The following PATJ variants were observed in gnomAD, a reference collection of about 807,000 sequenced individuals.
The protein encoded by PATJ is PATJ crumbs cell polarity complex component, also known as inaD-like protein.
Under a neutral mutation model 224.9 loss-of-function variants are expected in PATJ, and 190 were observed. The ratio of observed to expected loss-of-function variants is 0.84; its 90% CI spans 0.75 to 0.95. PATJ has a LOEUF of 0.95. PATJ is among the 40% of genes least tolerant of loss of function. The pLI is 0.00. For synonymous variants in PATJ, 769 were observed against 820.3 expected, an observed-to-expected ratio of 0.94 and a Z score of 1.07; for missense variants, 2,121 against 2,270.3, an observed-to-expected ratio of 0.93 and a Z score of 1.34.
At chr1:62,084,675 C>G (rs200524832) in intron 33 of PATJ, 27 bp downstream of exon 33, 57 of 1,610,462 alleles carry the variant, frequency 3.5e-5, no homozygotes, top group Non-Finnish European at 1.7e-6. Flanking sequence ...AAAATGTATC[C>G]ACTGTCATAG....
intron 31 of PATJ, among the ~76,000 whole-genome samples, chr1:62,062,820 G>A (rs1217676581): frequency 6.6e-6 from 1 of 152,058 alleles, no homozygotes; most frequent in Admixed American, 6.5e-5. Context: ...AGAAGAGTGT[G>A]TTCTTGTCCT....
intron 28 of PATJ, among the ~76,000 whole-genome samples, chr1:61,996,944 G>T (rs371770915): frequency 6.6e-6 from 1 of 151,922 alleles, no homozygotes; most frequent in African/African-American, 2.4e-5. Context: ...GTGTCACCAT[G>T]TTGGCCAGGC....
intron 27 of PATJ, among the ~76,000 whole-genome samples, chr1:61,932,621 G>A (rs778913609): frequency 1.3e-5 from 2 of 152,158 alleles, no homozygotes; most frequent in Non-Finnish European, 2.9e-5. Flanking sequence ...TGTAGTGTGC[G>A]GGACGCAGGG....
chr1:61,744,172 G>T (rs571729942), intron 1 of PATJ, among the ~76,000 whole-genome samples: 1 of 150,930 alleles, frequency 6.6e-6, no homozygotes, highest in African/African-American at 2.4e-5. Context: ...ATAGTCAGGT[G>T]TGTCGGGAGG....
At chr1:62,102,190 TAA>T (rs1371307012) in intron 33 of PATJ, among the ~76,000 whole-genome samples, 63 of 85,008 alleles carry the variant, frequency 7.4e-4, no homozygotes, top group African/African-American at 3.7e-3. Context: ...AATAAATAAA[TAA>T]ATAAATAAAT....
chr1:62,125,317 C>G (rs976440482), intron 39 of PATJ, among the ~76,000 whole-genome samples: 5 of 145,242 alleles, frequency 3.4e-5, no homozygotes, highest in Admixed American at 1.4e-4. Flanking sequence ...CCTCAATTTT[C>G]TCATCTGTAG....
At chr1:62,085,128 G>A (rs1659794798) in intron 33 of PATJ, among the ~76,000 whole-genome samples, 1 of 152,178 alleles carries the variant, frequency 6.6e-6, no homozygotes, top group South Asian at 2.1e-4. Context: ...TGGGCATGGT[G>A]GTGCACACCT....
rs1648952067 is a variant in PATJ, at chr1:61,788,049, C to G, written c.1068+77C>G. The G allele has an allele frequency of 5.2e-6, 6 of 1,160,970 alleles. No homozygotes were observed. In the East Asian group the frequency reaches 1.2e-4, roughly 23 times the overall value. The allele number at this position is 1,160,970 out of a possible 1,614,324, so 71.9% of individuals were successfully genotyped here. The stretch of plus-strand genomic sequence containing the variant: ...ACTGTAAGATAAGAAATTCTTTCAA[C>G]TTGAAGCACCACATTGGTGTGAGTT... On this transcript the variant is annotated intron_variant, in intron 8 of 43. Transcript: ENST00000642238.
At chr1:61,973,954 G>A (rs1457025212) in intron 27 of PATJ, among the ~76,000 whole-genome samples, 2 of 151,684 alleles carry the variant, frequency 1.3e-5, no homozygotes, top group Admixed American at 1.3e-4. Flanking sequence ...ACTTATCTTA[G>A]TGTTCTTAGT....
At chr1:61,912,033 T>TCC (rs1672739083) in intron 25 of PATJ, among the ~76,000 whole-genome samples, 1 of 150,714 alleles carries the variant, frequency 6.6e-6, no homozygotes, top group South Asian at 2.1e-4. Context: ...TATTAAAAAA[T>TCC]TGGATATCTT....
intron 31 of PATJ, among the ~76,000 whole-genome samples, chr1:62,060,421 T>A (rs978584810): frequency 1.3e-5 from 2 of 152,062 alleles, no homozygotes; most frequent in African/African-American, 4.8e-5. Flanking sequence ...GGCCAGAGTG[T>A]GGTGATGCAA....
At chr1:61,999,577 A>G (rs531171801) in intron 28 of PATJ, among the ~76,000 whole-genome samples, 2 of 152,184 alleles carry the variant, frequency 1.3e-5, no homozygotes, top group Non-Finnish European at 2.9e-5. Flanking sequence ...CTGAGGCACA[A>G]GAATCGTTTG....
intron 31 of PATJ, 88 bp from the exon 32 acceptor site, chr1:62,079,362 T>C (rs543327578): frequency 1.3e-6 from 1 of 790,540 alleles, no homozygotes; most frequent in African/African-American, 1.7e-5. Context: ...ACTGCACCAT[T>C]GTTTTGGTAA....
rs771491747 is a variant in PATJ at position 61,901,304 on chromosome 1, A to T, written c.3226A>T (p.Asn1076Tyr). The T allele has an allele frequency of 6.5e-7, 1 of 1,537,400 alleles. No individual in the cohort carries two copies. The highest frequency in any genetic ancestry group is 8.7e-7 in the Non-Finnish European group (1 of 1,153,260). Residue 1076 changes from asparagine to tyrosine, a missense_variant, in exon 24 of 44, where the codon AAT becomes TAT. By Grantham distance (143) the Asn-to-Tyr change is moderately radical (BLOSUM62 -2). Coordinates refer to ENST00000642238, the MANE Select transcript of PATJ (RefSeq NM_001350145.3). ...PRIVEIFREP[N>Y]VSLGISIVGG... The stretch of plus-strand genomic sequence containing the variant: ...TAGTGTTGAGATTTTTAGAGAACCC[A>T]ATGTGTCTCTTGGGATCAGTATTGT...
At chr1:61,957,777 G>A (rs1006072770) in intron 27 of PATJ, among the ~76,000 whole-genome samples, 3 of 152,120 alleles carry the variant, frequency 2.0e-5, no homozygotes, top group Non-Finnish European at 2.9e-5. Context: ...ACGTACTGTC[G>A]AGCTCTCTCA....
intron 31 of PATJ, among the ~76,000 whole-genome samples, chr1:62,062,959 G>T (rs1655812158): frequency 6.6e-6 from 1 of 152,112 alleles, no homozygotes; most frequent in African/African-American, 2.4e-5. Flanking sequence ...TCTGTAGGTT[G>T]TCTGTTTACT....
chr1:61,745,786 T>C (rs933761839), intron 1 of PATJ, among the ~76,000 whole-genome samples: 2 of 150,142 alleles, frequency 1.3e-5, no homozygotes, highest in Admixed American at 1.3e-4. Flanking sequence ...ATATTTTTAG[T>C]AGAGATGGGG....
intron 29 of PATJ, among the ~76,000 whole-genome samples, chr1:62,020,459 A>G (rs887825513): frequency 6.6e-6 from 1 of 152,208 alleles, no homozygotes; most frequent in Non-Finnish European, 1.5e-5. Context: ...ATGTAATGCA[A>G]TTGTGTAGTT....
chr1:61,775,136 A>T, intron 6 of PATJ, 70 bp from the exon 7 acceptor site: 1 of 1,436,174 alleles, frequency 7.0e-7, no homozygotes, highest in Non-Finnish European at 9.3e-7. Context: ...TTTGGTAATG[A>T]TTGTATTGGA....
Sources: gnomAD v4.1 joint callset for allele counts (sites outside exome capture counted in the v4.1 genomes callset) on GRCh38, gnomAD v4.1.1 for gene constraint, MANE v1.5 for transcripts, NCBI Gene and HGNC (gene_info 2026-07-23, HGNC 2026-07-21) for gene names.